The following MYO1D variants were observed in gnomAD, a reference collection of about 807,000 sequenced individuals.
MYO1D encodes unconventional myosin-Id.
MYO1D carries 83 observed loss-of-function variants against 122.0 expected under a neutral mutation model. That is an observed-to-expected ratio of 0.68 (90% CI 0.57 to 0.82). MYO1D has a LOEUF of 0.82. Among genes scored for constraint, MYO1D ranks in the 40% least tolerant of loss-of-function variants. The probability of loss-of-function intolerance (pLI) is 0.00; values close to 1 mark genes in which losing one functional copy is unlikely to be tolerated. For missense variants in MYO1D, 1,157 were observed against 1,269.5 expected, an observed-to-expected ratio of 0.91 and a Z score of 1.35; for synonymous variants, 464 against 446.9, an observed-to-expected ratio of 1.04 and a Z score of -0.48.
intron 2 of MYO1D, 82 bp downstream of exon 2, chr17:32,780,494 T>C (rs1241795608): frequency 7.1e-7 from 1 of 1,403,046 alleles, no homozygotes; most frequent in East Asian, 2.3e-5. Flanking sequence ...AAAAAATATT[T>C]AATCAATTGT....
At chr17:32,673,553 T>C in intron 16 of MYO1D, among the ~76,000 whole-genome samples, 1 of 152,218 alleles carries the variant, frequency 6.6e-6, no homozygotes, top group Non-Finnish European at 1.5e-5. Flanking sequence ...AAACAAAGGA[T>C]AACTAAAAAG....
chr17:32,527,748 T>G (rs866894761), intron 21 of MYO1D, among the ~76,000 whole-genome samples: 5 of 152,072 alleles, frequency 3.3e-5, no homozygotes, highest in African/African-American at 1.2e-4. Flanking sequence ...TAGTGAGCTG[T>G]GACTGTGCTA....
chr17:32,590,111 T>C (rs937631683), intron 21 of MYO1D, among the ~76,000 whole-genome samples: 13 of 152,376 alleles, frequency 8.5e-5, no homozygotes, highest in Non-Finnish European at 1.8e-4. Context: ...TTATACTTAC[T>C]TCTCCCCATT....
At chr17:32,764,530 A>G (rs1237303973) in intron 8 of MYO1D, among the ~76,000 whole-genome samples, 3 of 152,234 alleles carry the variant, frequency 2.0e-5, no homozygotes, top group African/African-American at 7.2e-5. Context: ...CACTGTACCC[A>G]TAAACATATA....
chr17:32,770,999 T>C (rs980374040), intron 6 of MYO1D, 126 bp downstream of exon 6: 10 of 541,490 alleles, frequency 1.8e-5, no homozygotes, highest in Non-Finnish European at 2.7e-5. Context: ...ATTTAAAAAA[T>C]AGAACAGGAT....
At chr17:32,503,453 G>T (rs1465607230) in intron 21 of MYO1D, among the ~76,000 whole-genome samples, 1 of 152,224 alleles carries the variant, frequency 6.6e-6, no homozygotes, top group Non-Finnish European at 1.5e-5. Flanking sequence ...GAGTGGGGGT[G>T]ATCCAGGTTC....
intron 21 of MYO1D, among the ~76,000 whole-genome samples, chr17:32,551,447 C>G (rs1053560939): frequency 1.3e-5 from 2 of 152,170 alleles, no homozygotes; most frequent in African/African-American, 4.8e-5. Flanking sequence ...CTGAAAGCAC[C>G]ACCTTGTCTG....
chr17:32,703,371 C>T (rs2089270310), intron 16 of MYO1D, among the ~76,000 whole-genome samples: 1 of 151,936 alleles, frequency 6.6e-6, no homozygotes, highest in African/African-American at 2.4e-5. Flanking sequence ...AAAAGACAAA[C>T]TTTCTCAATT....
intron 14 of MYO1D, among the ~76,000 whole-genome samples, chr17:32,728,404 C>T (rs1050643499): frequency 3.9e-5 from 6 of 152,084 alleles, no homozygotes; most frequent in African/African-American, 1.4e-4. Flanking sequence ...GACAGGGTTT[C>T]ACTATGTTGG....
intron 1 of MYO1D, among the ~76,000 whole-genome samples, chr17:32,825,134 A>G (rs905023757): frequency 6.6e-6 from 1 of 152,240 alleles, no homozygotes; most frequent in Non-Finnish European, 1.5e-5. Context: ...AAAATGTGAT[A>G]TTAGAAATAG....
chr17:32,810,479 CTT>C (rs112741399), intron 1 of MYO1D, among the ~76,000 whole-genome samples: 19 of 141,718 alleles, frequency 1.3e-4, no homozygotes, highest in Middle Eastern at 3.7e-3. Context: ...AAGTCCGTAA[CTT>C]TTTTTTTTTT....
intron 6 of MYO1D, among the ~76,000 whole-genome samples, chr17:32,768,313 C>T (rs1290578594): frequency 6.6e-6 from 1 of 152,240 alleles, no homozygotes; most frequent in East Asian, 1.9e-4. Flanking sequence ...TTCTTTCACT[C>T]ACTTGATACG....
At chr17:32,548,034 G>A (rs1168633097) in intron 21 of MYO1D, among the ~76,000 whole-genome samples, 3 of 152,106 alleles carry the variant, frequency 2.0e-5, no homozygotes, top group South Asian at 2.1e-4. Flanking sequence ...TTAACATGAC[G>A]AGAGAGCACT....
intron 21 of MYO1D, among the ~76,000 whole-genome samples, chr17:32,589,768 T>C (rs944530594): frequency 2.0e-5 from 3 of 152,210 alleles, no homozygotes; most frequent in African/African-American, 4.8e-5. Flanking sequence ...GGGATTTTTA[T>C]TGCTAATTAC....
intron 8 of MYO1D, among the ~76,000 whole-genome samples, chr17:32,760,977 G>C (rs1458838227): frequency 6.6e-6 from 1 of 152,180 alleles, no homozygotes; most frequent in Non-Finnish European, 1.5e-5. Context: ...CAACTATAAA[G>C]AGTTGAGAGC....
intron 20 of MYO1D, among the ~76,000 whole-genome samples, chr17:32,637,443 G>A (rs1267471571): frequency 2.0e-5 from 3 of 152,178 alleles, no homozygotes; most frequent in Non-Finnish European, 4.4e-5. Context: ...GACCACAGCG[G>A]GTGGATCACT....
chr17:32,824,998 T>C (rs1476307547), intron 1 of MYO1D, among the ~76,000 whole-genome samples: 1 of 152,190 alleles, frequency 6.6e-6, no homozygotes, highest in Non-Finnish European at 1.5e-5. Flanking sequence ...TCTGATTGTT[T>C]GACTGTTACT....
chr17:32,552,431 T>TCCAC (rs2087025468), intron 21 of MYO1D, among the ~76,000 whole-genome samples: 1 of 151,194 alleles, frequency 6.6e-6, no homozygotes, highest in African/African-American at 2.4e-5. Flanking sequence ...CATCCATCCA[T>TCCAC]CCATCCATCC....
intron 1 of MYO1D, among the ~76,000 whole-genome samples, chr17:32,861,772 C>G (rs1187248340): frequency 6.6e-6 from 1 of 152,182 alleles, no homozygotes; most frequent in Non-Finnish European, 1.5e-5. Flanking sequence ...AATTCCAACA[C>G]TGGGAGGCCA....
Sources: allele counts gnomAD v4.1 joint callset (sites outside exome capture counted in the v4.1 genomes callset), GRCh38; gene constraint gnomAD v4.1.1; transcripts MANE v1.5; gene names NCBI Gene and HGNC (gene_info 2026-07-23, HGNC 2026-07-21).